PPP3CA: variants seen among roughly 807,000 people sequenced by gnomAD.
The protein encoded by PPP3CA is CAM-PRP catalytic subunit.
In PPP3CA, 14 loss-of-function variants were observed where a neutral mutation model predicts 66.5. The ratio of observed to expected loss-of-function variants is 0.21; its 90% CI spans 0.14 to 0.33. The LOEUF is 0.33. Ranked by LOEUF, PPP3CA falls within the 10% of genes least tolerant of loss-of-function variation. The pLI is 1.00. For missense variants in PPP3CA, 317 were observed against 639.5 expected (o/e 0.50, Z 5.44); for synonymous variants, 232 against 226.2 (o/e 1.03, Z -0.23).
chr4:101,026,006 G>A lies in PPP3CA; in HGVS notation c.1425C>T (p.Gly475=), dbSNP rs140517920. The A allele has an allele frequency of 2.4e-4, 394 of 1,612,816 alleles. No individual in the cohort carries two copies. In the African/African-American group the frequency reaches 4.9e-3, roughly 20 times the overall value. ...GCATCCTCTCATTAATTCGGTCTAAGCCCTTGGCTTCCTCGAAGCTAGTGA... is the reference window on the plus strand; with the variant it reads ...GCATCCTCTCATTAATTCGGTCTAAACCCTTGGCTTCCTCGAAGCTAGTGA... The part of the protein sequence containing the change: ...HKITSFEEAK[G]LDRINERMPP... The change falls in exon 14 of 14, where the codon GGC becomes GGT. Residue 475 remains glycine, a synonymous_variant. Transcript: ENST00000394854.
chr4:101,276,944 A>G (rs2110272956), intron 1 of PPP3CA, among the ~76,000 whole-genome samples: 1 of 151,950 alleles, frequency 6.6e-6, no homozygotes, highest in Non-Finnish European at 1.5e-5. Flanking sequence ...ACGGATTTCA[A>G]CAAATGTATA....
intron 1 of PPP3CA, among the ~76,000 whole-genome samples, chr4:101,332,186 G>A (rs1729409118): frequency 6.6e-6 from 1 of 152,188 alleles, no homozygotes; most frequent in South Asian, 2.1e-4. Context: ...CCCATCCACA[G>A]CAACTGTTGT....
intron 10 of PPP3CA, among the ~76,000 whole-genome samples, chr4:101,057,440 T>C (rs948152397): frequency 8.5e-5 from 13 of 152,332 alleles, no homozygotes; most frequent in African/African-American, 2.9e-4. Context: ...AACTAAAAGG[T>C]CACATTTAGA....
chr4:101,029,347 T>TAAAAAAAAAAAAAAGAAAAAAA (rs1726817364), intron 12 of PPP3CA, 152 bp from the exon 13 acceptor site: 1 of 78,822 alleles, frequency 1.3e-5, no homozygotes. Flanking sequence ...ACAGAAATGC[T>TAAAAAAAAAAAAAAGAAAAAAA]AAAAAAAAAA....
chr4:101,260,878 T>C (rs1405600090), intron 1 of PPP3CA, among the ~76,000 whole-genome samples: 2 of 152,102 alleles, frequency 1.3e-5, no homozygotes, highest in African/African-American at 2.4e-5. Flanking sequence ...AGAAGGAAGT[T>C]CCACTAAAGT....
intron 1 of PPP3CA, among the ~76,000 whole-genome samples, chr4:101,324,149 G>GAA (rs1729129159): frequency 1.7e-5 from 2 of 118,234 alleles, no homozygotes; most frequent in African/African-American, 1.0e-4. Flanking sequence ...GGGAAGGAAG[G>GAA]GAGGGAGGAA....
At chr4:101,109,230 G>A in intron 2 of PPP3CA, 152 bp from the exon 3 acceptor site, 1 of 731,436 alleles carries the variant, frequency 1.4e-6, no homozygotes, top group Middle Eastern at 5.1e-4. Context: ...GAAAAGCTAA[G>A]TATTTTGCTC....
At chr4:101,048,834 G>GTGAT (rs1331396764) in intron 10 of PPP3CA, among the ~76,000 whole-genome samples, 2 of 152,030 alleles carry the variant, frequency 1.3e-5, no homozygotes, top group African/African-American at 4.8e-5. Context: ...AATGAATGGT[G>GTGAT]TGATATTTGG....
At chr4:101,058,226 G>A (rs976661145) in intron 10 of PPP3CA, among the ~76,000 whole-genome samples, 2 of 152,074 alleles carry the variant, frequency 1.3e-5, no homozygotes, top group Admixed American at 1.3e-4. Flanking sequence ...AATATGCATT[G>A]AATACTTTAA....
chr4:101,330,553 C>A, intron 1 of PPP3CA: 1 of 436,396 alleles, frequency 2.3e-6, no homozygotes. Context: ...GCACACTTAA[C>A]AGACTACAGT....
intron 6 of PPP3CA, among the ~76,000 whole-genome samples, chr4:101,087,352 A>G (rs1485014246): frequency 1.3e-5 from 2 of 152,236 alleles, no homozygotes; most frequent in Non-Finnish European, 2.9e-5. Context: ...TAAAACATCT[A>G]TACAGAAAAA....
intron 2 of PPP3CA, among the ~76,000 whole-genome samples, chr4:101,146,550 C>T (rs957595880): frequency 6.6e-6 from 1 of 151,956 alleles, no homozygotes; most frequent in Non-Finnish European, 1.5e-5. Context: ...TCAAGCAATT[C>T]TTCTGCCTCA....
chr4:101,128,780 C>T (rs911673566), intron 2 of PPP3CA, among the ~76,000 whole-genome samples: 6 of 152,144 alleles, frequency 3.9e-5, no homozygotes, highest in African/African-American at 1.2e-4. Flanking sequence ...CGGGTGGCTA[C>T]ACCACAAGGG....
intron 1 of PPP3CA, among the ~76,000 whole-genome samples, chr4:101,320,095 T>C (rs2110320523): frequency 6.6e-6 from 1 of 152,058 alleles, no homozygotes; most frequent in African/African-American, 2.4e-5. Flanking sequence ...AACAAAACAG[T>C]ATCAGGTAAT....
At chr4:101,040,314 G>A (rs1197864613) in intron 11 of PPP3CA, among the ~76,000 whole-genome samples, 168 bp downstream of exon 11, 1 of 152,140 alleles carries the variant, frequency 6.6e-6, no homozygotes, top group Non-Finnish European at 1.5e-5. Flanking sequence ...CTAAAATAGT[G>A]AGAAACTGAC....
chr4:101,208,941 C>T (rs866837258), intron 1 of PPP3CA, among the ~76,000 whole-genome samples: 7 of 151,946 alleles, frequency 4.6e-5, no homozygotes, highest in Non-Finnish European at 8.8e-5. Context: ...CATTACATAT[C>T]GGAGGAAGAA....
At chr4:101,211,119 G>A (rs2659515) in intron 1 of PPP3CA, among the ~76,000 whole-genome samples, 126,593 of 152,160 alleles carry the variant, frequency 0.83, 53,106 homozygotes, top group African/African-American at 0.91. Context: ...CCCAGGCACA[G>A]AGAAATGAAA....
chr4:101,288,485 A>C (rs1170339731), intron 1 of PPP3CA, among the ~76,000 whole-genome samples: 2 of 151,182 alleles, frequency 1.3e-5, no homozygotes, highest in African/African-American at 2.4e-5. Flanking sequence ...GTTCAAACAA[A>C]TTAACAGATT....
chr4:101,079,173 G>T (rs941985112), intron 8 of PPP3CA, among the ~76,000 whole-genome samples: 4 of 152,170 alleles, frequency 2.6e-5, no homozygotes, highest in Non-Finnish European at 4.4e-5. Context: ...GGGAATAAAG[G>T]TGGCCAAGGC....
Sources: gnomAD v4.1 joint callset for allele counts (sites outside exome capture counted in the v4.1 genomes callset) on GRCh38, gnomAD v4.1.1 for gene constraint, MANE v1.5 for transcripts, NCBI Gene and HGNC (gene_info 2026-07-23, HGNC 2026-07-21) for gene names.